Variants in NBPF26 observed in about 807,000 individuals in gnomAD.
NBPF26 encodes the protein NBPF family member NBPF26.
A neutral mutation model predicts 119.6 loss-of-function variants in NBPF26; 79 were observed. The observed-to-expected ratio is 0.66, with a 90% CI of 0.55 to 0.80. The LOEUF is 0.80. Ranked by LOEUF, NBPF26 falls within the 30% of genes least tolerant of loss-of-function variation. The pLI, the probability that NBPF26 is intolerant of heterozygous loss-of-function variation, is 0.00. For missense variants in NBPF26, 800 were observed against 1,198.2 expected, an observed-to-expected ratio of 0.67 and a Z score of 4.91; for synonymous variants, 299 against 457.7, an observed-to-expected ratio of 0.65 and a Z score of 4.43.
rs1203185924 is a variant in NBPF26, at chr1:120,784,984, G to A, written c.166G>A (p.Gly56Ser). The change falls in exon 3 of 30, where the codon GGC (glycine) becomes AGC (serine). Residue 56 changes from glycine (G) to serine (S), a missense_variant. Transcript: ENST00000620612. ...CTCTTTTCCATACAGATGTCCAGAA[G>A]GCTTCTTGGGGGAATATTGTCAACA... The A allele has an allele frequency of 7.1e-6, 10 of 1,417,650 alleles. 2 individuals are homozygous for A. The highest frequency in any genetic ancestry group is 8.5e-6 in the Non-Finnish European group (9 of 1,058,430). 87.8% of individuals were successfully genotyped at this position (1,417,650 alleles called of 1,614,324 possible).
intron 1 of NBPF26, among the ~76,000 whole-genome samples, chr1:120,734,442 C>T (rs1215361782): frequency 9.7e-5 from 8 of 82,310 alleles, no homozygotes; most frequent in African/African-American, 4.6e-4. Flanking sequence ...TCAGAAAACG[C>T]CAGTTAGACC....
At chr1:120,744,173 A>AC (rs1650960315) in intron 1 of NBPF26, among the ~76,000 whole-genome samples, 1 of 97,926 alleles carries the variant, frequency 1.0e-5, no homozygotes, top group South Asian at 3.0e-4. Flanking sequence ...TGCTGGGCTC[A>AC]CCCCCAGAGT....
chr1:120,816,922 A>T, intron 14 of NBPF26, 95 bp downstream of exon 14: 1 of 1,222,142 alleles, frequency 8.2e-7, no homozygotes, highest in Non-Finnish European at 1.1e-6. Flanking sequence ...CATTTGAATA[A>T]AAAACTGTGA....
At chr1:120,790,535 C>CCTCTCTTT (rs1651475888) in intron 3 of NBPF26, among the ~76,000 whole-genome samples, 1 of 76,630 alleles carries the variant, frequency 1.3e-5, no homozygotes, top group Non-Finnish European at 2.3e-5. Flanking sequence ...TTTCTCCCTC[C>CCTCTCTTT]CTTTCTTTCT....
rs1198937020 is a variant in NBPF26 at position 120,840,519 on chromosome 1, G to T, written c.4273G>T (p.Asp1425Tyr). The change falls in exon 30 of 30, where the codon GAC becomes TAC. Residue 1425 changes from aspartate to tyrosine, a missense_variant. Transcript: ENST00000620612. ...GCATATCAGCTTCGCCCTTTACGTGGACAATAGGTTTTTTACTTTGACGGT... is the reference window on the plus strand; with the variant it reads ...GCATATCAGCTTCGCCCTTTACGTGTACAATAGGTTTTTTACTTTGACGGT... 5 of 1,474,096 alleles carry T rather than the reference G, an allele frequency of 3.4e-6. 1 individual carries two copies. Among genetic ancestry groups the T allele is most frequent in the Non-Finnish European group, 3.7e-6 (4 of 1,089,002 alleles). 91.3% of individuals were successfully genotyped at this position (1,474,096 alleles called of 1,614,324 possible).
chr1:120,752,546 A>ATTTTTTT (rs1651030391), intron 1 of NBPF26, among the ~76,000 whole-genome samples: 1 of 12,764 alleles, frequency 7.8e-5, no homozygotes, highest in Non-Finnish European at 1.4e-4. Flanking sequence ...ATATATATAT[A>ATTTTTTT]TATATATATT....
At position 120,779,476 on chromosome 1, in the gene NBPF26, A is replaced by G. The variant is rs1236403726; in HGVS notation, c.156-5498A>G. Among the ~76,000 whole-genome samples, 144 of 117,996 alleles carry G rather than the reference A, an allele frequency of 1.2e-3. 31 individuals are homozygous for G. Among genetic ancestry groups the G allele is most frequent in the Non-Finnish European group, 2.0e-3 (117 of 58,646 alleles). The allele number at this position is 117,996 out of a possible 152,430, so 77.4% of individuals were successfully genotyped here. On this transcript the variant is annotated intron_variant, in intron 2 of 29. Transcript: ENST00000620612. ...TTCTTTCAGAGTTCAATGCTAGAGA[A>G]GAGAGAGTAAGTAAAAGTCACTGAG...
At position 120,823,335 on chromosome 1, in the gene NBPF26, G is replaced by C. The variant is rs1652165652; in HGVS notation, c.2614G>C (p.Glu872Gln). 1.3e-5 allele frequency: 19 copies of C among 1,424,158 alleles called. 2 individuals carry two copies. The South Asian group carries it at 2.2e-4, about 16-fold the overall frequency. The allele number at this position is 1,424,158 out of a possible 1,614,324, so 88.2% of individuals were successfully genotyped here. Residue 872 changes from glutamate (E) to glutamine (Q), a missense_variant, in exon 17 of 30, where the codon GAG (glutamate) becomes CAG (glutamine). Around this residue, in one of 13 missense-constraint regions of NBPF26, gnomAD observed 73 missense variants for 50.7 expected, o/e 1.44. Coordinates refer to ENST00000620612, the Ensembl canonical transcript of NBPF26. ...ACATCGGTGGGATCAAGTGAAAAAG[G>C]AGGACCACGAGGCAACAGGTCCCAG...
rs1437476178 is a variant in NBPF26 at position 120,791,436 on chromosome 1, G to A, written c.416-1725G>A. On this transcript the variant is annotated intron_variant, in intron 3 of 29. Coordinates refer to ENST00000620612, the Ensembl canonical transcript of NBPF26. Reference sequence around the variant, plus strand: ...TGATAGACTGGATTAAGAAAATGTGGCACATATACACCATGGAATACTATT... The same window carrying A: ...TGATAGACTGGATTAAGAAAATGTGACACATATACACCATGGAATACTATT... Among the ~76,000 whole-genome samples the A allele has an allele frequency of 3.8e-5, 4 of 106,456 alleles. 1 individual carries two copies. Among genetic ancestry groups the A allele is most frequent in the African/African-American group, 1.2e-4 (2 of 16,298 alleles). 69.8% of individuals were successfully genotyped at this position (106,456 alleles called of 152,430 possible).
At chr1:120,768,676 C>G (rs1294971501) in intron 2 of NBPF26, among the ~76,000 whole-genome samples, 2 of 100,004 alleles carry the variant, frequency 2.0e-5, no homozygotes, top group East Asian at 4.7e-4. Flanking sequence ...AGGCTTATAT[C>G]CCTTCTAGTT....
chr1:120,832,951 A>AT lies in NBPF26; in HGVS notation c.3339_3340insT (p.Gly1114TrpfsTer19). The stretch of plus-strand genomic sequence containing the variant: ...AGGAAAGAAGAAGGGGAAGAAAAGA[A>AT]GGGGAAGAAGATCAAAACCCACCAT... On this transcript the variant is annotated frameshift_variant, in exon 23 of 30. Coordinates refer to ENST00000620612, the Ensembl canonical transcript of NBPF26. LOFTEE classifies it high-confidence loss of function. The AT allele has an allele frequency of 9.5e-7, 1 of 1,049,130 alleles. No homozygotes were observed. Among genetic ancestry groups the AT allele is most frequent in the Non-Finnish European group, 1.4e-6 (1 of 726,262 alleles). The allele number at this position is 1,049,130 out of a possible 1,614,324, so 65.0% of individuals were successfully genotyped here.
Position 120,793,179 on chromosome 1 carries a change from C to A in NBPF26, c.434C>A (p.Thr145Asn). The A allele has an allele frequency of 2.6e-5, 37 of 1,438,490 alleles. 6 individuals are homozygous for A. Among genetic ancestry groups the A allele is most frequent in the Non-Finnish European group, 3.2e-5 (35 of 1,078,490 alleles). 89.1% of individuals were successfully genotyped at this position (1,438,490 alleles called of 1,614,324 possible). Residue 145 changes from threonine to asparagine, a missense_variant, in exon 4 of 30, where the codon ACC (threonine) becomes AAC (asparagine). This residue lies in a region of NBPF26 where 209 missense variants were observed against 285.2 expected (regional missense o/e 0.73). Transcript: ENST00000620612. ...CCTTTAGGTAAGGAGTGCCAATGGA[C>A]CGATGCCTGCCTGTCTCATCTCTGT... is the stretch of plus-strand genomic sequence containing the variant.
chr1:120,813,063 G>C (rs1462744675), intron 10 of NBPF26, among the ~76,000 whole-genome samples: 19 of 119,424 alleles, frequency 1.6e-4, no homozygotes, highest in African/African-American at 5.0e-4. Context: ...TCGCACCCGA[G>C]AATGTGTGGA....
In NBPF26 at chr1:120,809,896, A is replaced by AAT. The variant is rs1651815667; in HGVS notation, c.1352+13_1352+14insAT. ...CATCTGCCCCCAGGTAACACTGAAT[A>AAT]CTCAGGAGCAAGTAATGGGTGGTAA... On this transcript the variant is annotated intron_variant, in intron 8 of 29. Coordinates refer to ENST00000620612, the Ensembl canonical transcript of NBPF26. The AAT allele has an allele frequency of 6.6e-7, 1 of 1,509,930 alleles. No individual in the cohort carries two copies. Among genetic ancestry groups the AAT allele is most frequent in the Non-Finnish European group, 9.0e-7 (1 of 1,116,908 alleles). 93.5% of individuals were successfully genotyped at this position (1,509,930 alleles called of 1,614,324 possible). A position where few individuals can be genotyped will look rare whatever the true frequency, so the allele number is the denominator to read the frequency against.
In NBPF26 at chr1:120,823,333, A is replaced by G. The variant is rs1485731467; in HGVS notation, c.2612A>G (p.Lys871Arg). 4.9e-6 allele frequency: 7 copies of G among 1,423,344 alleles called. 1 individual carries two copies. In the African/African-American group the frequency reaches 1.8e-4, roughly 37 times the overall value. The allele number at this position is 1,423,344 out of a possible 1,614,324, so 88.2% of individuals were successfully genotyped here. A position where few individuals can be genotyped will look rare whatever the true frequency, so the allele number is the denominator to read the frequency against. Residue 871 changes from lysine (K) to arginine (R), a missense_variant, in exon 17 of 30, where the codon AAG becomes AGG. By Grantham distance (26) the Lys-to-Arg change is conservative (BLOSUM62 2). Transcript: ENST00000620612. ...GGACATCGGTGGGATCAAGTGAAAA[A>G]GGAGGACCACGAGGCAACAGGTCCC...
exon 10 of NBPF26, chr1:120,811,894 C>T: frequency 1.0e-6 from 1 of 981,742 alleles, no homozygotes; most frequent in South Asian, 1.4e-5. Flanking sequence ...AGTCCCTGGC[C>T]CCACCTCTTC....
rs1167761873 is a variant in NBPF26, at chr1:120,723,985, C to T, written c.-193C>T. ...GGCGGCTGAGGCGGCGGCCGAGGAG[C>T]GGCGGACTCGGGGCGCGGGGAGTCG... On this transcript the variant is annotated 5_prime_UTR_variant, in exon 1 of 30. Coordinates refer to ENST00000620612, the Ensembl canonical transcript of NBPF26. 167 of 1,177,104 alleles carry T rather than the reference C, an allele frequency of 1.4e-4. 40 individuals carry two copies. The highest frequency in any genetic ancestry group is 4.0e-4 in the Admixed American group (9 of 22,760). The allele number at this position is 1,177,104 out of a possible 1,614,324, so 72.9% of individuals were successfully genotyped here. A position where few individuals can be genotyped will look rare whatever the true frequency, so the allele number is the denominator to read the frequency against.
rs2101529040 is a variant in NBPF26, at chr1:120,819,235, G to C, written c.2423+1061G>C. Among the ~76,000 whole-genome samples the C allele has an allele frequency of 1.7e-5, 2 of 119,942 alleles. 1 individual carries two copies. The highest frequency in any genetic ancestry group is 4.9e-4 in the South Asian group (2 of 4,090). The allele number at this position is 119,942 out of a possible 152,430, so 78.7% of individuals were successfully genotyped here. A position where few individuals can be genotyped will look rare whatever the true frequency, so the allele number is the denominator to read the frequency against. ...TTGATCCCTTTACCATTATGTAGTGGCCTTCTTTGTCTCTTTTGATCTTTG... is the reference window on the plus strand; with the variant it reads ...TTGATCCCTTTACCATTATGTAGTGCCCTTCTTTGTCTCTTTTGATCTTTG... On this transcript the variant is annotated intron_variant, in intron 15 of 29. Transcript: ENST00000620612.
exon 30 of NBPF26, chr1:120,840,448 A>G: frequency 6.8e-7 from 1 of 1,475,260 alleles, no homozygotes; most frequent in East Asian, 2.3e-5. Context: ...GAACTACCTG[A>G]CTCATTCCAG....
Sources: allele counts gnomAD v4.1 joint callset (sites outside exome capture counted in the v4.1 genomes callset), GRCh38; gene constraint gnomAD v4.1.1; regional missense constraint gnomAD v4.1.1; transcripts MANE v1.5; gene names NCBI Gene and HGNC (gene_info 2026-07-23, HGNC 2026-07-21).